Variants in NALF1 observed in about 807,000 individuals in gnomAD.
NALF1 encodes the protein family with sequence similarity 155 member A.
NALF1 carries 3 observed loss-of-function variants against 48.4 expected under a neutral mutation model. The ratio of observed to expected loss-of-function variants is 0.06; its 90% CI spans 0.03 to 0.16. The LOEUF (loss-of-function observed/expected upper bound fraction) is 0.16, where lower values mean the gene tolerates loss of function less well. Ranked by LOEUF, NALF1 falls within the 10% of genes least tolerant of loss-of-function variation. The pLI is 1.00. For synonymous variants in NALF1, 262 were observed against 245.7 expected (o/e 1.07, Z -0.62); for missense variants, 526 against 571.5 (o/e 0.92, Z 0.81).
chr13:107,559,696 T>C (rs1446646849), intron 1 of NALF1, among the ~76,000 whole-genome samples: 1 of 152,200 alleles, frequency 6.6e-6, no homozygotes, highest in African/African-American at 2.4e-5. Context: ...AGCATCAGCA[T>C]CAAACCTTTG....
At chr13:107,624,619 A>T (rs1879615577) in intron 1 of NALF1, among the ~76,000 whole-genome samples, 1 of 152,180 alleles carries the variant, frequency 6.6e-6, no homozygotes, top group Non-Finnish European at 1.5e-5. Flanking sequence ...ATGTTTATAG[A>T]AGGATGCTTG....
chr13:107,164,817 A>T lies in NALF1; in HGVS notation c.*5680T>A, dbSNP rs1450199931. 6.6e-6 allele frequency: 1 copy of T among 152,152 alleles called. No homozygotes were observed. Among genetic ancestry groups the T allele is most frequent in the East Asian group, 1.9e-4 (1 of 5,194 alleles). 9.4% of individuals were successfully genotyped at this position (152,152 alleles called of 1,614,324 possible). A position where few individuals can be genotyped will look rare whatever the true frequency, so the allele number is the denominator to read the frequency against. On this transcript the variant is annotated 3_prime_UTR_variant, in exon 3 of 3. Coordinates refer to ENST00000375915, the MANE Select transcript of NALF1 (RefSeq NM_001080396.3). Reference sequence around the variant, plus strand: ...GTTAAAAAAAAAATGTAATTAAGAGATAAGCCAAAGAAATTCAGAAACTCT... The same window carrying T: ...GTTAAAAAAAAAATGTAATTAAGAGTTAAGCCAAAGAAATTCAGAAACTCT...
chr13:107,830,764 G>A (rs1251510234), intron 1 of NALF1, among the ~76,000 whole-genome samples: 2 of 152,158 alleles, frequency 1.3e-5, no homozygotes, highest in Admixed American at 6.5e-5. Flanking sequence ...CCAAAGGGAG[G>A]TCAAAGAATG....
intron 1 of NALF1, among the ~76,000 whole-genome samples, chr13:107,654,346 T>C (rs1880523388): frequency 6.6e-6 from 1 of 152,144 alleles, no homozygotes; most frequent in Non-Finnish European, 1.5e-5. Context: ...GCAATGCCAT[T>C]ACTTTTAATG....
chr13:107,705,559 C>G (rs960393053), intron 1 of NALF1, among the ~76,000 whole-genome samples: 1 of 151,922 alleles, frequency 6.6e-6, no homozygotes, highest in Non-Finnish European at 1.5e-5. Context: ...ACCATGCTTA[C>G]ACAGTGATGC....
chr13:107,755,714 T>C (rs1267538157), intron 1 of NALF1, among the ~76,000 whole-genome samples: 1 of 152,052 alleles, frequency 6.6e-6, no homozygotes. Context: ...TTCACACACA[T>C]ATGTACATAC....
At chr13:107,795,623 C>T (rs1238703084) in intron 1 of NALF1, among the ~76,000 whole-genome samples, 1 of 152,078 alleles carries the variant, frequency 6.6e-6, no homozygotes, top group African/African-American at 2.4e-5. Context: ...TCCAGGTATT[C>T]CATTTATCTT....
chr13:107,515,028 T>C (rs558030854), intron 1 of NALF1, among the ~76,000 whole-genome samples: 1 of 152,228 alleles, frequency 6.6e-6, no homozygotes, highest in Non-Finnish European at 1.5e-5. Flanking sequence ...ACCTGCTAGC[T>C]GTATGGCCAT....
rs201725165 is a variant in NALF1, at chr13:107,866,219, G to A, written c.378C>T (p.Ser126=). The A allele has an allele frequency of 6.3e-7, 1 of 1,596,984 alleles. No homozygotes were observed. Among genetic ancestry groups the A allele is most frequent in the Admixed American group, 1.7e-5 (1 of 58,704 alleles). ...AAQAHRLLSA[S]SSPTLPPSPG... is the part of the protein sequence containing the mutation. ...GGGAGGGGGGCAGGGTGGGGGACGA[G>A]GAGGCGGAGAGGAGTCTGTGTGCCT... The change falls in exon 1 of 3, where the codon TCC becomes TCT. Residue 126 remains serine (S), a synonymous_variant. Coordinates refer to ENST00000375915, the MANE Select transcript of NALF1 (RefSeq NM_001080396.3). The surrounding 1 kb of genome is among the most constrained non-coding windows in gnomAD (Gnocchi z 4.4).
At chr13:107,380,865 C>A (rs1353060797) in intron 1 of NALF1, among the ~76,000 whole-genome samples, 1 of 150,422 alleles carries the variant, frequency 6.6e-6, no homozygotes, top group Non-Finnish European at 1.5e-5. Flanking sequence ...GTAGTACCAG[C>A]TACTCGGGAG....
intron 1 of NALF1, among the ~76,000 whole-genome samples, chr13:107,271,800 A>ATT (rs1881175964): frequency 1.3e-5 from 1 of 74,554 alleles, no homozygotes; most frequent in Non-Finnish European, 3.7e-5. Flanking sequence ...ATATATATAT[A>ATT]TATATATATA....
chr13:107,460,485 T>G (rs926211318), intron 1 of NALF1, among the ~76,000 whole-genome samples: 7 of 152,262 alleles, frequency 4.6e-5, no homozygotes, highest in African/African-American at 1.7e-4. Flanking sequence ...CTGACTTCTT[T>G]CTAAGCCTTT....
intron 1 of NALF1, among the ~76,000 whole-genome samples, chr13:107,668,074 T>C (rs1180957413): frequency 6.6e-6 from 1 of 152,152 alleles, no homozygotes; most frequent in Non-Finnish European, 1.5e-5. Flanking sequence ...CACTGAAAAC[T>C]TATATATTGG....
chr13:107,831,650 G>GTGAT (rs1566499276), intron 1 of NALF1, among the ~76,000 whole-genome samples: 2 of 152,130 alleles, frequency 1.3e-5, no homozygotes, highest in African/African-American at 2.4e-5. Context: ...TCTGAGAAAG[G>GTGAT]TGATTATATA....
intron 1 of NALF1, among the ~76,000 whole-genome samples, chr13:107,268,473 G>A (rs531768570): frequency 1.3e-5 from 2 of 152,144 alleles, no homozygotes; most frequent in East Asian, 3.9e-4. Flanking sequence ...GTAGAAACAC[G>A]AATATGATTC....
At chr13:107,815,797 A>G (rs1342717484) in intron 1 of NALF1, among the ~76,000 whole-genome samples, 2 of 152,176 alleles carry the variant, frequency 1.3e-5, no homozygotes, top group Non-Finnish European at 2.9e-5. Flanking sequence ...ATGCAATATT[A>G]TTTGGCAATA....
intron 1 of NALF1, among the ~76,000 whole-genome samples, chr13:107,570,139 CAAACAG>C (rs767139857): frequency 1.3e-5 from 2 of 151,866 alleles, no homozygotes; most frequent in African/African-American, 4.8e-5. Context: ...ATGTCATCTA[CAAACAG>C]AAAGTTTTAC....
chr13:107,692,558 A>T (rs1052247101), intron 1 of NALF1, among the ~76,000 whole-genome samples: 6 of 152,268 alleles, frequency 3.9e-5, no homozygotes, highest in Admixed American at 6.5e-5. Context: ...CTATTTATGG[A>T]TTAACGTGTT....
At chr13:107,569,423 G>A (rs975221845) in intron 1 of NALF1, among the ~76,000 whole-genome samples, 2 of 151,692 alleles carry the variant, frequency 1.3e-5, no homozygotes, top group African/African-American at 2.4e-5. Flanking sequence ...AGTGAGCCGA[G>A]ATGGCGCCAC....
Sources: allele counts gnomAD v4.1 joint callset (sites outside exome capture counted in the v4.1 genomes callset), GRCh38; gene constraint gnomAD v4.1.1; non-coding constraint Gnocchi (gnomAD v3.1); transcripts MANE v1.5; gene names NCBI Gene and HGNC (gene_info 2026-07-23, HGNC 2026-07-21).